The following TMED10 variants were observed in gnomAD, a reference collection of about 807,000 sequenced individuals.
TMED10 encodes the protein transmembrane p24 trafficking protein 10.
Under a neutral mutation model 23.1 loss-of-function variants are expected in TMED10, and 7 were observed. The observed-to-expected ratio is 0.30, with a 90% CI of 0.17 to 0.57. TMED10 has a LOEUF of 0.57. TMED10 is among the 20% of genes least tolerant of loss of function. The pLI, the probability that TMED10 is intolerant of heterozygous loss-of-function variation, is 0.91. For synonymous variants in TMED10, 113 were observed against 106.9 expected (o/e 1.06, Z -0.35); for missense variants, 162 against 274.8 (o/e 0.59, Z 2.90).
chr14:75,138,367 G>C (rs1895778878), intron 3 of TMED10, among the ~76,000 whole-genome samples: 1 of 152,172 alleles, frequency 6.6e-6, no homozygotes, highest in Admixed American at 6.5e-5. Flanking sequence ...TAAAATGTTG[G>C]CTAGAGTTAA....
chr14:75,155,020 G>A (rs139605292), intron 1 of TMED10, among the ~76,000 whole-genome samples: 1,747 of 150,966 alleles, frequency 0.012, 32 homozygotes, highest in Middle Eastern at 0.041. Flanking sequence ...GGGCAGTGGC[G>A]CAATCCCGGC....
chr14:75,176,177 C>T, intron 1 of TMED10, 178 bp downstream of exon 1: 1 of 748,104 alleles, frequency 1.3e-6, no homozygotes, highest in Non-Finnish European at 2.1e-6. Flanking sequence ...GTGACCCGCC[C>T]CGCCCCGCGA....
intron 1 of TMED10, among the ~76,000 whole-genome samples, chr14:75,164,577 A>ATATATT (rs1566675301): frequency 4.4e-5 from 2 of 45,132 alleles, no homozygotes; most frequent in African/African-American, 4.3e-4. Context: ...ATATATATAT[A>ATATATT]TTTTTTTTTT....
intron 1 of TMED10, among the ~76,000 whole-genome samples, chr14:75,153,556 T>G (rs1895981743): frequency 6.6e-6 from 1 of 152,194 alleles, no homozygotes; most frequent in South Asian, 2.1e-4. Context: ...GAAAGCATAT[T>G]TCATCACTTA....
At position 75,144,453 on chromosome 14, in the gene TMED10, A is replaced by G. The variant is rs539504476; in HGVS notation, c.411+3211T>C. On this transcript the variant is annotated intron_variant, in intron 3 of 4. Transcript: ENST00000303575. ...ACAACAAGACTTAATGCTTCTTCAC[A>G]GTATGACAAGCATTCTGTCTTCCAA... 3.3e-5 allele frequency among the ~76,000 whole-genome samples: 5 copies of G among 152,382 alleles called. No homozygotes were observed. The East Asian group carries it at 9.6e-4, about 29-fold the overall frequency.
At position 75,132,623 on chromosome 14, in the gene TMED10, G is replaced by A. The variant is rs1252853986; in HGVS notation, c.*2262C>T. On this transcript the variant is annotated 3_prime_UTR_variant, in exon 5 of 5. Transcript: ENST00000303575. Reference sequence around the variant, plus strand: ...ACAGAACTACTTTTATGCCACAGGAGAGGAAGACACAAGGAGTCAAAAGGG... The same window carrying A: ...ACAGAACTACTTTTATGCCACAGGAAAGGAAGACACAAGGAGTCAAAAGGG... 1 of 152,144 alleles carries A rather than the reference G, an allele frequency of 6.6e-6. No individual in the cohort carries two copies. The highest frequency in any genetic ancestry group is 1.9e-4 in the East Asian group (1 of 5,198). 9.4% of individuals were successfully genotyped at this position (152,144 alleles called of 1,614,324 possible). A position where few individuals can be genotyped will look rare whatever the true frequency, so the allele number is the denominator to read the frequency against.
intron 1 of TMED10, among the ~76,000 whole-genome samples, chr14:75,152,646 C>T (rs1305420974): frequency 6.6e-6 from 1 of 152,152 alleles, no homozygotes; most frequent in Non-Finnish European, 1.5e-5. Context: ...GAAAAGCATA[C>T]ATAGAGAAGA....
intron 3 of TMED10, among the ~76,000 whole-genome samples, chr14:75,141,304 C>G (rs1401677029): frequency 6.6e-6 from 1 of 152,098 alleles, no homozygotes; most frequent in Non-Finnish European, 1.5e-5. Context: ...TGTTTAGCAA[C>G]TACGAATAGT....
At chr14:75,170,480 A>G (rs569140897) in intron 1 of TMED10, among the ~76,000 whole-genome samples, 1 of 152,344 alleles carries the variant, frequency 6.6e-6, no homozygotes, top group African/African-American at 2.4e-5. Flanking sequence ...TTGTGCCAGA[A>G]AACAAGGATG....
At position 75,139,564 on chromosome 14, in the gene TMED10, A is replaced by C. The variant is rs972709009; in HGVS notation, c.412-3678T>G. 2.7e-5 allele frequency among the ~76,000 whole-genome samples: 4 copies of C among 149,910 alleles called. No homozygotes were observed. The South Asian group carries it at 6.4e-4, about 24-fold the overall frequency. ...GGCAGGAGGATCACTTGAGCCTGGG[A>C]GGTCAAGGCTGCAGTGAGCCAAGAT... On this transcript the variant is annotated intron_variant, in intron 3 of 4. Transcript: ENST00000303575.
chr14:75,134,022 T>C lies in TMED10; in HGVS notation c.*863A>G, dbSNP rs1895718144. On this transcript the variant is annotated 3_prime_UTR_variant, in exon 5 of 5. Transcript: ENST00000303575. ...AAGATTACATTCTGTATGATTCCAT[T>C]CATACAACATTCTTGAAATGACAAA... 1 of 199,786 alleles carries C rather than the reference T, an allele frequency of 5.0e-6. No homozygotes were observed. Among genetic ancestry groups the C allele is most frequent in the Non-Finnish European group, 1.0e-5 (1 of 96,764 alleles). 12.4% of individuals were successfully genotyped at this position (199,786 alleles called of 1,614,324 possible). A position where few individuals can be genotyped will look rare whatever the true frequency, so the allele number is the denominator to read the frequency against.
chr14:75,146,854 A>C (rs1270290049), intron 3 of TMED10, among the ~76,000 whole-genome samples: 4 of 152,124 alleles, frequency 2.6e-5, no homozygotes, highest in Non-Finnish European at 4.4e-5. Flanking sequence ...GACTATTGTT[A>C]TTTCCCAAAC....
At chr14:75,164,561 ATATATATATATATATAT>A (rs1210314248) in intron 1 of TMED10, among the ~76,000 whole-genome samples, 213 of 14,358 alleles carry the variant, frequency 0.015, no homozygotes, top group Non-Finnish European at 0.022. Context: ...ATATATATAT[ATATATATATATATATAT>A]TTTTTTTTTT....
At chr14:75,135,059 G>A in intron 4 of TMED10, 53 bp from the exon 5 acceptor site, 1 of 1,604,674 alleles carries the variant, frequency 6.2e-7, no homozygotes, top group Non-Finnish European at 8.5e-7. Flanking sequence ...TCCTCAGCTG[G>A]CTAAACAATG....
chr14:75,157,479 C>T (rs961679527), intron 1 of TMED10, among the ~76,000 whole-genome samples: 6 of 152,008 alleles, frequency 3.9e-5, no homozygotes, highest in African/African-American at 1.5e-4. Context: ...TAGTGGGATG[C>T]CGTCTCTACA....
In TMED10 at chr14:75,168,785, G is replaced by A. The variant is rs144786262; in HGVS notation, c.225+7570C>T. ...AACTCAGTTATACAACAATGTGTAC[G>A]TTAAACTAAAGACACAAAGATGAGT... On this transcript the variant is annotated intron_variant, in intron 1 of 4. Transcript: ENST00000303575. 2.8e-4 allele frequency among the ~76,000 whole-genome samples: 42 copies of A among 152,226 alleles called. No homozygotes were observed. In the East Asian group the frequency reaches 7.3e-3, roughly 27 times the overall value.
intron 3 of TMED10, among the ~76,000 whole-genome samples, chr14:75,144,619 T>C (rs922438653): frequency 2.0e-5 from 3 of 152,000 alleles, no homozygotes; most frequent in Non-Finnish European, 4.4e-5. Context: ...AGTCCACAGA[T>C]ATGAGGGAGA....
chr14:75,151,745 A>T (rs1365506813), intron 2 of TMED10, among the ~76,000 whole-genome samples: 1 of 152,212 alleles, frequency 6.6e-6, no homozygotes, highest in Non-Finnish European at 1.5e-5. Flanking sequence ...CTTGGTGTAC[A>T]TTCCAAATGT....
At chr14:75,147,489 C>G in intron 3 of TMED10, 175 bp downstream of exon 3, 1 of 728,042 alleles carries the variant, frequency 1.4e-6, no homozygotes, top group Non-Finnish European at 2.4e-6. Flanking sequence ...CCACCGCGCC[C>G]GGCTAAGGCT....
Sources: allele counts gnomAD v4.1 joint callset (sites outside exome capture counted in the v4.1 genomes callset), GRCh38; gene constraint gnomAD v4.1.1; transcripts MANE v1.5; gene names NCBI Gene and HGNC (gene_info 2026-07-23, HGNC 2026-07-21).